The following RFX3 variants were observed in gnomAD, a reference collection of about 807,000 sequenced individuals.
RFX3 encodes regulatory factor X3.
RFX3 carries 14 observed loss-of-function variants against 98.6 expected under a neutral mutation model. The ratio of observed to expected loss-of-function variants is 0.14; its 90% CI spans 0.09 to 0.22. The LOEUF (loss-of-function observed/expected upper bound fraction) is 0.22. RFX3 is among the 10% of genes least tolerant of loss of function. The probability of loss-of-function intolerance (pLI) is 1.00; values close to 1 mark genes in which losing one functional copy is unlikely to be tolerated. For synonymous variants in RFX3, 383 were observed against 328.4 expected (o/e 1.17, Z -1.80); for missense variants, 639 against 926.9 (o/e 0.69, Z 4.03).
At chr9:3,474,916 A>C (rs7021070) in intron 1 of RFX3, among the ~76,000 whole-genome samples, 1 of 151,926 alleles carries the variant, frequency 6.6e-6, no homozygotes, top group Admixed American at 6.6e-5. Flanking sequence ...CCTGGGCAAC[A>C]CAGGAAGATC....
intron 1 of RFX3, among the ~76,000 whole-genome samples, chr9:3,407,037 C>A (rs1842034166): frequency 6.6e-6 from 1 of 152,182 alleles, no homozygotes; most frequent in South Asian, 2.1e-4. Context: ...CTAATCATGT[C>A]ATCTTAGAAT....
chr9:3,443,773 A>C (rs539919825), intron 1 of RFX3, among the ~76,000 whole-genome samples: 1 of 152,306 alleles, frequency 6.6e-6, no homozygotes, highest in Admixed American at 6.5e-5. Flanking sequence ...TCTTTGAGGA[A>C]TTGCCACATG....
chr9:3,523,536 T>G (rs1818933206), intron 1 of RFX3, among the ~76,000 whole-genome samples: 1 of 152,190 alleles, frequency 6.6e-6, no homozygotes, highest in Non-Finnish European at 1.5e-5. Context: ...ACAGAAAACC[T>G]GAGCTATACA....
intron 1 of RFX3, among the ~76,000 whole-genome samples, chr9:3,467,184 A>C (rs1848363932): frequency 7.0e-6 from 1 of 142,142 alleles, no homozygotes; most frequent in South Asian, 2.1e-4. Context: ...GTATATATGT[A>C]TATACATATA....
At chr9:3,411,484 G>A (rs1330341739) in intron 1 of RFX3, among the ~76,000 whole-genome samples, 1 of 151,890 alleles carries the variant, frequency 6.6e-6, no homozygotes, top group Non-Finnish European at 1.5e-5. Flanking sequence ...CAAGTAGCTG[G>A]GATTACAGGC....
intron 1 of RFX3, among the ~76,000 whole-genome samples, chr9:3,440,860 C>T (rs538363661): frequency 2.0e-5 from 3 of 152,090 alleles, no homozygotes; most frequent in Non-Finnish European, 2.9e-5. Flanking sequence ...ATAACTAAGA[C>T]AGTATGTTAC....
chr9:3,463,538 C>T (rs1220394224), intron 1 of RFX3, among the ~76,000 whole-genome samples: 1 of 150,776 alleles, frequency 6.6e-6, no homozygotes, highest in Non-Finnish European at 1.5e-5. Context: ...TGAAAAGGCA[C>T]ACTTAAGAAA....
At position 3,482,959 on chromosome 9, in the gene RFX3, T is replaced by C. The variant is rs532950556; in HGVS notation, c.-9+42788A>G. Among the ~76,000 whole-genome samples, 3 of 152,314 alleles carry C rather than the reference T, an allele frequency of 2.0e-5. No homozygotes were observed. The East Asian group carries it at 5.8e-4, about 29-fold the overall frequency. ...ATGGGAATTCTCAATTAGCTATGGG[T>C]AGACTATCCACAACCAATCTTGCTT... On this transcript the variant is annotated intron_variant, in intron 1 of 16. Coordinates refer to ENST00000617270, the MANE Select transcript of RFX3 (RefSeq NM_001282116.2).
chr9:3,442,082 C>A (rs1845654672), intron 1 of RFX3, among the ~76,000 whole-genome samples: 1 of 152,076 alleles, frequency 6.6e-6, no homozygotes, highest in African/African-American at 2.4e-5. Flanking sequence ...CACCTGTAAT[C>A]CCAGCTACTT....
intron 1 of RFX3, chr9:3,489,584 A>C: frequency 5.4e-6 from 1 of 185,814 alleles, no homozygotes; most frequent in Non-Finnish European, 1.0e-5. Context: ...GCTTAATTTC[A>C]TAAAGTCAAC....
At chr9:3,335,630 T>C (rs949618240) in intron 3 of RFX3, among the ~76,000 whole-genome samples, 1 of 152,250 alleles carries the variant, frequency 6.6e-6, no homozygotes, top group African/African-American at 2.4e-5. Flanking sequence ...GTTTGTTCTG[T>C]ATTGATTACC....
intron 1 of RFX3, among the ~76,000 whole-genome samples, chr9:3,485,410 A>G (rs1393475712): frequency 6.6e-6 from 1 of 152,228 alleles, no homozygotes; most frequent in Admixed American, 6.5e-5. Flanking sequence ...ATGTTACATA[A>G]GAATATTGAA....
intron 7 of RFX3, among the ~76,000 whole-genome samples, chr9:3,282,224 T>C (rs1826003600): frequency 6.6e-6 from 1 of 151,602 alleles, no homozygotes; most frequent in African/African-American, 2.4e-5. Context: ...CAGAAGAAAA[T>C]AGTAAATATG....
intron 1 of RFX3, among the ~76,000 whole-genome samples, chr9:3,446,018 A>G (rs1355916831): frequency 6.6e-6 from 1 of 152,060 alleles, no homozygotes; most frequent in Non-Finnish European, 1.5e-5. Flanking sequence ...ATTTATTTGT[A>G]GGTTTGTTTC....
chr9:3,408,275 C>G (rs1057408219), intron 1 of RFX3, among the ~76,000 whole-genome samples: 11 of 152,122 alleles, frequency 7.2e-5, no homozygotes, highest in Non-Finnish European at 1.3e-4. Context: ...TTAAGGAAGG[C>G]TGTATAGGCC....
chr9:3,241,636 T>G (rs1819938069), intron 15 of RFX3, among the ~76,000 whole-genome samples: 1 of 152,204 alleles, frequency 6.6e-6, no homozygotes, highest in African/African-American at 2.4e-5. Context: ...TATAATTTAT[T>G]TTCAAGTTGT....
At position 3,349,394 on chromosome 9, in the gene RFX3, C is replaced by T. The variant is rs184924897; in HGVS notation, c.118-2630G>A. Among the ~76,000 whole-genome samples, 56 of 152,022 alleles carry T rather than the reference C, an allele frequency of 3.7e-4. 1 individual carries two copies. The highest frequency in any genetic ancestry group is 1.8e-3 in the Admixed American group (27 of 15,264). On this transcript the variant is annotated intron_variant, in intron 2 of 16. Coordinates refer to ENST00000617270, the MANE Select transcript of RFX3 (RefSeq NM_001282116.2). ...CTTAAAATAAGTCATCAGCTTGATA[C>T]GCAGTTAAATTCATGTATTTAATTT... is the stretch of plus-strand genomic sequence containing the variant.
intron 2 of RFX3, among the ~76,000 whole-genome samples, chr9:3,371,396 G>A (rs967228344): frequency 6.6e-6 from 1 of 152,106 alleles, no homozygotes; most frequent in East Asian, 1.9e-4. Context: ...TTAAATAAGT[G>A]TTTCCGCTTA....
intron 1 of RFX3, among the ~76,000 whole-genome samples, chr9:3,518,873 C>G (rs1293100267): frequency 6.6e-6 from 1 of 152,122 alleles, no homozygotes; most frequent in Non-Finnish European, 1.5e-5. Flanking sequence ...TGTAGGTACA[C>G]AAGTAGTAAC....
Sources: allele counts gnomAD v4.1 joint callset (sites outside exome capture counted in the v4.1 genomes callset), GRCh38; gene constraint gnomAD v4.1.1; transcripts MANE v1.5; gene names NCBI Gene and HGNC (gene_info 2026-07-23, HGNC 2026-07-21).